The following MAP7 variants were observed in gnomAD, a reference collection of about 807,000 sequenced individuals.
MAP7 encodes the protein microtubule associated protein 7, also known as ensconsin.
MAP7 carries 52 observed loss-of-function variants against 94.8 expected under a neutral mutation model. The observed-to-expected ratio is 0.55, with a 90% CI of 0.44 to 0.69. The LOEUF (loss-of-function observed/expected upper bound fraction) is 0.69, where lower values mean the gene tolerates loss of function less well. Among genes scored for constraint, MAP7 ranks in the 30% least tolerant of loss-of-function variants. The pLI is 0.00. For synonymous variants in MAP7, 350 were observed against 357.0 expected (o/e 0.98, Z 0.22); for missense variants, 940 against 964.6 (o/e 0.97, Z 0.34).
chr6:136,382,893 T>C (rs1415483652), intron 6 of MAP7, among the ~76,000 whole-genome samples: 2 of 152,234 alleles, frequency 1.3e-5, no homozygotes, highest in Non-Finnish European at 2.9e-5. Context: ...AACAATTCTT[T>C]GGTTTTATTT....
intron 1 of MAP7, among the ~76,000 whole-genome samples, chr6:136,479,581 G>C (rs1812084962): frequency 6.6e-6 from 1 of 152,198 alleles, no homozygotes; most frequent in African/African-American, 2.4e-5. Flanking sequence ...CTTGTTTGCA[G>C]ATGATATGAC....
chr6:136,356,872 C>T, intron 15 of MAP7, 78 bp from the exon 16 acceptor site: 3 of 1,154,188 alleles, frequency 2.6e-6, no homozygotes, highest in Non-Finnish European at 3.9e-6. Context: ...GCCAGAATGC[C>T]TTGATTTATG....
At position 136,360,869 on chromosome 6, in the gene MAP7, G is replaced by A; in HGVS notation, c.1702-71C>T. 1.9e-6 allele frequency: 3 copies of A among 1,574,776 alleles called. No individual in the cohort carries two copies. In the Admixed American group the frequency reaches 5.1e-5, roughly 27 times the overall value. ...GCCCGGGTCTCCCAGGGGGTGCCCA[G>A]AGGTGGGGGCGAGGTGGCGGATGGA... On this transcript the variant is annotated intron_variant, in intron 12 of 17. Coordinates refer to ENST00000354570, the MANE Select transcript of MAP7 (RefSeq NM_003980.6).
intron 1 of MAP7, among the ~76,000 whole-genome samples, chr6:136,443,554 G>A (rs879887056): frequency 1.1e-4 from 17 of 149,232 alleles, no homozygotes; most frequent in African/African-American, 2.7e-4. Context: ...GGATTCAAGC[G>A]ATTCTTCTGC....
intron 1 of MAP7, among the ~76,000 whole-genome samples, chr6:136,427,004 C>G (rs923244857): frequency 6.6e-6 from 1 of 152,234 alleles, no homozygotes; most frequent in Non-Finnish European, 1.5e-5. Context: ...ACTCTGCCTT[C>G]TATAGAATTT....
chr6:136,396,586 G>C (rs1206771097), intron 3 of MAP7, among the ~76,000 whole-genome samples: 1 of 151,952 alleles, frequency 6.6e-6, no homozygotes, highest in Non-Finnish European at 1.5e-5. Context: ...ATCTTTTTGT[G>C]TGTGCTCTCC....
At chr6:136,450,470 T>G (rs1429995185) in intron 1 of MAP7, among the ~76,000 whole-genome samples, 1 of 152,028 alleles carries the variant, frequency 6.6e-6, no homozygotes, top group Non-Finnish European at 1.5e-5. Flanking sequence ...ATCTAGTACT[T>G]CCAAATAAAA....
At chr6:136,389,790 A>G (rs544716524) in intron 3 of MAP7, among the ~76,000 whole-genome samples, 85 of 152,338 alleles carry the variant, frequency 5.6e-4, no homozygotes, top group Non-Finnish European at 1.0e-3. Context: ...GTTTGTAGGT[A>G]GAATAAGGCA....
chr6:136,513,957 G>GT (rs1268210072), intron 1 of MAP7, among the ~76,000 whole-genome samples: 1 of 152,146 alleles, frequency 6.6e-6, no homozygotes, highest in African/African-American at 2.4e-5. Context: ...TCACCTGTAC[G>GT]TAAGTCCCCA....
At chr6:136,426,552 G>A (rs1035651914) in intron 1 of MAP7, among the ~76,000 whole-genome samples, 13 of 152,196 alleles carry the variant, frequency 8.5e-5, no homozygotes, top group African/African-American at 2.7e-4. Context: ...GTGGAAGAAG[G>A]AGCCACAAGG....
intron 1 of MAP7, among the ~76,000 whole-genome samples, chr6:136,430,912 C>T (rs73567640): frequency 0.01 from 1,548 of 152,280 alleles, 21 homozygotes; most frequent in East Asian, 0.039. Flanking sequence ...GCGCCCCCAC[C>T]GCCTATCCCA....
intron 1 of MAP7, among the ~76,000 whole-genome samples, chr6:136,434,598 A>ATTT (rs3839511): frequency 6.9e-6 from 1 of 145,570 alleles, no homozygotes; most frequent in Non-Finnish European, 1.5e-5. Context: ...TAGGCAAGGA[A>ATTT]TTTTTTTTTT....
chr6:136,457,737 T>C lies in MAP7; in HGVS notation c.68-35938A>G, dbSNP rs1453769302. Reference sequence around the variant, plus strand: ...ATCTCAACAGCTACAGAAAAAGAAATTGACAAAATTTGATATCCTTTCATG... The same window carrying C: ...ATCTCAACAGCTACAGAAAAAGAAACTGACAAAATTTGATATCCTTTCATG... On this transcript the variant is annotated intron_variant, in intron 1 of 17. Transcript: ENST00000354570. Among the ~76,000 whole-genome samples the C allele has an allele frequency of 5.3e-5, 8 of 151,948 alleles. No homozygotes were observed. In the East Asian group the frequency reaches 5.8e-4, roughly 11 times the overall value.
chr6:136,399,973 T>C (rs1582797777), intron 3 of MAP7, among the ~76,000 whole-genome samples: 1 of 152,318 alleles, frequency 6.6e-6, no homozygotes, highest in African/African-American at 2.4e-5. Context: ...AATGAAAATG[T>C]AATCATTAAT....
intron 1 of MAP7, among the ~76,000 whole-genome samples, chr6:136,505,181 C>G (rs1297334176): frequency 6.8e-6 from 1 of 147,372 alleles, no homozygotes; most frequent in Non-Finnish European, 1.5e-5. Flanking sequence ...AAGCTGAGTT[C>G]GCAAGCCATA....
In MAP7 at chr6:136,456,828, AGAAGAAGAAGAAGAAGAAGAG is replaced by A. The variant is rs1803313320; in HGVS notation, c.68-35050_68-35030del. ...AGAAGAAGAAGAAGAAGAAGGAAGA[AGAAGAAGAAGAAGAAGAAGAG>A]GAAGAAGAAGAAGAAGAAGAAGAAA... On this transcript the variant is annotated intron_variant, in intron 1 of 17. Coordinates refer to ENST00000354570, the MANE Select transcript of MAP7 (RefSeq NM_003980.6). 4.6e-3 allele frequency among the ~76,000 whole-genome samples: 562 copies of A among 123,458 alleles called. 4 individuals carry two copies. The highest frequency in any genetic ancestry group is 7.8e-3 in the Non-Finnish European group (428 of 54,842). The allele number at this position is 123,458 out of a possible 152,430, so 81.0% of individuals were successfully genotyped here. A position where few individuals can be genotyped will look rare whatever the true frequency, so the allele number is the denominator to read the frequency against.
chr6:136,443,040 C>T (rs928190689), intron 1 of MAP7, among the ~76,000 whole-genome samples: 9 of 151,974 alleles, frequency 5.9e-5, no homozygotes, highest in Non-Finnish European at 1.0e-4. Context: ...AAATTTAATG[C>T]ACATTTTTAT....
intron 1 of MAP7, among the ~76,000 whole-genome samples, chr6:136,516,448 A>G (rs558730795): frequency 6.6e-6 from 1 of 152,244 alleles, no homozygotes; most frequent in African/African-American, 2.4e-5. Context: ...ATAAGCCACC[A>G]TGCCTGGCCA....
intron 1 of MAP7, chr6:136,526,542 T>C: frequency 1.6e-5 from 16 of 985,386 alleles, no homozygotes; most frequent in Non-Finnish European, 1.9e-5. Flanking sequence ...CGGCTCCATC[T>C]CCCCAGCTGA....
Sources: gnomAD v4.1 joint callset for allele counts (sites outside exome capture counted in the v4.1 genomes callset) on GRCh38, gnomAD v4.1.1 for gene constraint, MANE v1.5 for transcripts, NCBI Gene and HGNC (gene_info 2026-07-23, HGNC 2026-07-21) for gene names.